The following EDIL3 variants were observed in gnomAD, a reference collection of about 807,000 sequenced individuals.
EDIL3 encodes the protein EGF like and discoidin domains 3.
Under a neutral mutation model 67.4 loss-of-function variants are expected in EDIL3, and 37 were observed. That is an observed-to-expected ratio of 0.55 (90% CI 0.42 to 0.72). The LOEUF is 0.72. Among genes scored for constraint, EDIL3 ranks in the 30% least tolerant of loss-of-function variants. EDIL3 has a pLI of 0.00. For synonymous variants in EDIL3, 195 were observed against 196.3 expected (o/e 0.99, Z 0.05); for missense variants, 527 against 586.3 (o/e 0.90, Z 1.04).
chr5:84,074,245 C>T (rs7443083), intron 6 of EDIL3, among the ~76,000 whole-genome samples: 46,294 of 145,174 alleles, frequency 0.32, 8,382 homozygotes, highest in African/African-American at 0.42. Context: ...CATAAACACC[C>T]GAGAAGAAAA....
At chr5:84,346,054 C>A (rs1357363946) in intron 1 of EDIL3, among the ~76,000 whole-genome samples, 1 of 150,198 alleles carries the variant, frequency 6.7e-6, no homozygotes, top group African/African-American at 2.4e-5. Flanking sequence ...TTCGTTTATT[C>A]TTTTAGTCAT....
intron 5 of EDIL3, among the ~76,000 whole-genome samples, chr5:84,126,958 G>A (rs1747879548): frequency 6.6e-6 from 1 of 152,026 alleles, no homozygotes; most frequent in African/African-American, 2.4e-5. Flanking sequence ...GTAAGTATGA[G>A]GCAACACTTA....
intron 1 of EDIL3, among the ~76,000 whole-genome samples, chr5:84,269,455 T>C (rs993087997): frequency 1.3e-5 from 2 of 152,078 alleles, no homozygotes; most frequent in Admixed American, 6.6e-5. Flanking sequence ...TTCAGAAATA[T>C]TATCTCAATA....
At chr5:84,145,600 G>A (rs1748278289) in intron 4 of EDIL3, among the ~76,000 whole-genome samples, 1 of 152,078 alleles carries the variant, frequency 6.6e-6, no homozygotes, top group South Asian at 2.1e-4. Context: ...AATTCAAAAA[G>A]TGAGAAGGGA....
At chr5:84,184,117 A>G (rs1021310990) in intron 3 of EDIL3, among the ~76,000 whole-genome samples, 22 of 152,260 alleles carry the variant, frequency 1.4e-4, no homozygotes, top group African/African-American at 5.3e-4. Context: ...AGAAACAACA[A>G]CAACAAAACA....
intron 9 of EDIL3, among the ~76,000 whole-genome samples, chr5:84,044,701 C>T (rs1746189578): frequency 1.3e-5 from 2 of 152,076 alleles, no homozygotes; most frequent in South Asian, 4.1e-4. Context: ...GGACTAGGAA[C>T]CAAGAGCTCT....
rs748140123 is a variant in EDIL3 at position 84,180,506 on chromosome 5, T to C, written c.242A>G (p.Asn81Ser). ...ACAGGTTCCTCCATTATGGCATGGA[T>C]TAGGAGTGCAGGGACCTGAAAGACA... ...EPTSAGPCTP[N>S]PCHNGGTCEI... The change falls in exon 4 of 11, where the codon AAT (asparagine) becomes AGT (serine). Residue 81 changes from asparagine (N) to serine (S), a missense_variant. Coordinates refer to ENST00000296591, the MANE Select transcript of EDIL3 (RefSeq NM_005711.5). 6.2e-7 allele frequency: 1 copy of C among 1,601,668 alleles called. No homozygotes were observed. The highest frequency in any genetic ancestry group is 1.7e-5 in the Admixed American group (1 of 57,942).
intron 8 of EDIL3, among the ~76,000 whole-genome samples, chr5:84,063,503 T>G (rs918912087): frequency 6.6e-6 from 1 of 152,154 alleles, no homozygotes; most frequent in Non-Finnish European, 1.5e-5. Context: ...AAAATGTGAT[T>G]CTTAAAATAG....
At chr5:84,107,451 A>G (rs1431159218) in intron 5 of EDIL3, among the ~76,000 whole-genome samples, 1 of 151,676 alleles carries the variant, frequency 6.6e-6, no homozygotes, top group East Asian at 1.9e-4. Flanking sequence ...TTATTTTTAT[A>G]AAGAGAGCAG....
intron 1 of EDIL3, among the ~76,000 whole-genome samples, chr5:84,255,488 CA>C (rs956660777): frequency 6.6e-6 from 1 of 152,084 alleles, no homozygotes; most frequent in African/African-American, 2.4e-5. Context: ...ATCAGATGCA[CA>C]AAAACCCATA....
chr5:84,351,118 C>T (rs970880803), intron 1 of EDIL3, among the ~76,000 whole-genome samples: 2 of 152,004 alleles, frequency 1.3e-5, no homozygotes, highest in African/African-American at 4.8e-5. Context: ...CATTATTTTC[C>T]TTTAAATTAG....
In EDIL3 at chr5:84,181,501, G is replaced by A. The variant is rs964485222; in HGVS notation, c.227-980C>T. On this transcript the variant is annotated intron_variant, in intron 3 of 10. Transcript: ENST00000296591. ...ATTTTTCTTAAAACCATAGCAGTTTGAGACTTTTTCTATGCCATGTTCTCT... is the reference window on the plus strand; with the variant it reads ...ATTTTTCTTAAAACCATAGCAGTTTAAGACTTTTTCTATGCCATGTTCTCT... Among the ~76,000 whole-genome samples the A allele has an allele frequency of 3.3e-5, 5 of 152,162 alleles. No individual in the cohort carries two copies. In the East Asian group the frequency reaches 9.6e-4, roughly 29 times the overall value.
chr5:84,107,386 ATAT>A (rs968190594), intron 5 of EDIL3, among the ~76,000 whole-genome samples: 3 of 152,074 alleles, frequency 2.0e-5, no homozygotes, highest in African/African-American at 4.8e-5. Flanking sequence ...ACATTTAAAA[ATAT>A]TATTATAATA....
At chr5:84,349,391 A>T (rs2112187001) in intron 1 of EDIL3, among the ~76,000 whole-genome samples, 1 of 152,268 alleles carries the variant, frequency 6.6e-6, no homozygotes, top group South Asian at 2.1e-4. Context: ...GTATTAATAG[A>T]TCAACCAGCT....
chr5:83,961,097 T>C (rs921615450), intron 10 of EDIL3, among the ~76,000 whole-genome samples: 3 of 151,100 alleles, frequency 2.0e-5, no homozygotes, highest in Admixed American at 1.3e-4. Flanking sequence ...TCACACAAAA[T>C]AGATTTCAGA....
intron 2 of EDIL3, among the ~76,000 whole-genome samples, chr5:84,249,434 C>CATT (rs1561234751): frequency 3.3e-5 from 5 of 149,444 alleles, no homozygotes; most frequent in African/African-American, 1.2e-4. Flanking sequence ...TATCTATCAT[C>CATT]TATTTTTCTA....
chr5:84,112,089 A>G (rs77498812), intron 5 of EDIL3, among the ~76,000 whole-genome samples: 58 of 152,198 alleles, frequency 3.8e-4, no homozygotes, highest in African/African-American at 1.3e-3. Flanking sequence ...GATGAAGTGG[A>G]GAAGTAGAAA....
At chr5:83,987,994 TACA>T (rs1745086218) in intron 9 of EDIL3, among the ~76,000 whole-genome samples, 1 of 151,446 alleles carries the variant, frequency 6.6e-6, no homozygotes, top group Non-Finnish European at 1.5e-5. Context: ...CCAACGGGAG[TACA>T]GTTAATGTCT....
intron 3 of EDIL3, among the ~76,000 whole-genome samples, chr5:84,195,473 T>G (rs1743686594): frequency 6.6e-6 from 1 of 151,972 alleles, no homozygotes; most frequent in South Asian, 2.1e-4. Flanking sequence ...TGTGATTTTT[T>G]TGTGTGACCT....
Sources: gnomAD v4.1 joint callset for allele counts (sites outside exome capture counted in the v4.1 genomes callset) on GRCh38, gnomAD v4.1.1 for gene constraint, MANE v1.5 for transcripts, NCBI Gene and HGNC (gene_info 2026-07-23, HGNC 2026-07-21) for gene names.